KCNA2: variants seen among roughly 807,000 people sequenced by gnomAD.
The protein encoded by KCNA2 is potassium channel, voltage gated shaker related subfamily A, member 2.
Under a neutral mutation model 33.4 loss-of-function variants are expected in KCNA2, and 11 were observed. That is an observed-to-expected ratio of 0.33 (90% CI 0.21 to 0.55). KCNA2 has a LOEUF of 0.55. Among genes scored for constraint, KCNA2 ranks in the 20% least tolerant of loss-of-function variants. The pLI, the probability that KCNA2 is intolerant of heterozygous loss-of-function variation, is 0.93. For missense variants in KCNA2, 291 were observed against 621.6 expected (o/e 0.47, Z 5.66); for synonymous variants, 222 against 231.3 (o/e 0.96, Z 0.37).
rs1302149214 is a variant in KCNA2 at position 110,593,730 on chromosome 1, G to A, written c.*9553C>T. ...AGTCTATGTACACCCATGATCAGGT[G>A]GACAGGCAATGTTCATTGAGGCACA... On this transcript the variant is annotated 3_prime_UTR_variant, in exon 3 of 3. Coordinates refer to ENST00000316361, the MANE Select transcript of KCNA2 (RefSeq NM_004974.4). 7.2e-6 allele frequency: 5 copies of A among 695,838 alleles called. No homozygotes were observed. In the East Asian group the frequency reaches 1.5e-4, roughly 21 times the overall value. 43.1% of individuals were successfully genotyped at this position (695,838 alleles called of 1,614,324 possible). A position where few individuals can be genotyped will look rare whatever the true frequency, so the allele number is the denominator to read the frequency against.
chr1:110,595,787 C>A lies in KCNA2; in HGVS notation c.*7496G>T. On this transcript the variant is annotated 3_prime_UTR_variant, in exon 3 of 3. Transcript: ENST00000316361. ...TGGATTTGTTAGTTCCATTGATTGC[C>A]ACAAACCTCACCTTCTGTGTGGCAG... is the stretch of plus-strand genomic sequence containing the variant. 1.0e-6 allele frequency: 1 copy of A among 985,420 alleles called. No individual in the cohort carries two copies. Among genetic ancestry groups the A allele is most frequent in the African/African-American group, 1.7e-5 (1 of 57,356 alleles). The allele number at this position is 985,420 out of a possible 1,614,324, so 61.0% of individuals were successfully genotyped here. A position where few individuals can be genotyped will look rare whatever the true frequency, so the allele number is the denominator to read the frequency against.
chr1:110,628,433 C>T (rs1027801655), intron 1 of KCNA2, among the ~76,000 whole-genome samples: 1 of 152,136 alleles, frequency 6.6e-6, no homozygotes, highest in Non-Finnish European at 1.5e-5. Context: ...TGGGCCTGAC[C>T]ATCCTCCGTA....
chr1:110,624,694 T>A (rs1650347407), intron 1 of KCNA2, among the ~76,000 whole-genome samples: 1 of 152,236 alleles, frequency 6.6e-6, no homozygotes, highest in African/African-American at 2.4e-5. Flanking sequence ...TGTGCCAACA[T>A]ACCAAAAATG....
chr1:110,598,096 T>C lies in KCNA2; in HGVS notation c.*5187A>G, dbSNP rs1464943967. On this transcript the variant is annotated 3_prime_UTR_variant, in exon 3 of 3. Transcript: ENST00000316361. Reference sequence around the variant, plus strand: ...CGTTGGCTCAGGTGACTGATGATGTTAATGAGGTTAAGGTCATGAGTTCAA... The same window carrying C: ...CGTTGGCTCAGGTGACTGATGATGTCAATGAGGTTAAGGTCATGAGTTCAA... The C allele has an allele frequency of 2.0e-6, 2 of 982,818 alleles. No individual in the cohort carries two copies. Among genetic ancestry groups the C allele is most frequent in the African/African-American group, 1.7e-5 (1 of 57,188 alleles). 60.9% of individuals were successfully genotyped at this position (982,818 alleles called of 1,614,324 possible). A position where few individuals can be genotyped will look rare whatever the true frequency, so the allele number is the denominator to read the frequency against.
intron 1 of KCNA2, among the ~76,000 whole-genome samples, chr1:110,619,978 T>C (rs1488435326): frequency 6.6e-6 from 1 of 151,844 alleles, no homozygotes; most frequent in Non-Finnish European, 1.5e-5. Flanking sequence ...TCACGTGCCC[T>C]GTAGCAAATG....
chr1:110,613,958 C>T (rs1026486544), intron 1 of KCNA2, among the ~76,000 whole-genome samples: 2 of 152,340 alleles, frequency 1.3e-5, no homozygotes, highest in Middle Eastern at 3.4e-3. Context: ...AGCTTCTGCT[C>T]ACACGTGCTT....
intron 1 of KCNA2, among the ~76,000 whole-genome samples, chr1:110,625,268 T>C (rs1650362093): frequency 6.6e-6 from 1 of 152,166 alleles, no homozygotes; most frequent in Non-Finnish European, 1.5e-5. Flanking sequence ...CAGAAGAGTG[T>C]GGTGGTCCCA....
chr1:110,617,095 C>T (rs1650091410), intron 1 of KCNA2, among the ~76,000 whole-genome samples: 1 of 152,234 alleles, frequency 6.6e-6, no homozygotes, highest in South Asian at 2.1e-4. Flanking sequence ...TCACTGCCTG[C>T]TTCATTCATT....
Position 110,604,396 on chromosome 1 carries a change from A to T in KCNA2, c.387T>A (p.Asp129Glu). Residue 129 changes from aspartate (D) to glutamate (E), a missense_variant, in exon 3 of 3, where the codon GAT becomes GAA. By Grantham distance (45) the Asp-to-Glu change is conservative. Around this residue, in one of 5 missense-constraint regions of KCNA2, gnomAD observed 163 missense variants for 273.5 expected, o/e 0.60. Coordinates refer to ENST00000316361, the MANE Select transcript of KCNA2 (RefSeq NM_004974.4). The surrounding 1 kb of genome is among the most constrained non-coding windows in gnomAD (Gnocchi z 7.6). ...GCTCTTCCTCCTTGATGTAGCCTTCATCTTCCCGAAACATCTCCATCGCTT... is the reference window on the plus strand; with the variant it reads ...GCTCTTCCTCCTTGATGTAGCCTTCTTCTTCCCGAAACATCTCCATCGCTT... ...GEEAMEMFRE[D>E]EGYIKEEERP... 1.2e-6 allele frequency: 2 copies of T among 1,614,128 alleles called. No homozygotes were observed. Among genetic ancestry groups the T allele is most frequent in the Non-Finnish European group, 1.7e-6 (2 of 1,180,034 alleles).
chr1:110,625,593 A>G (rs1449697026), intron 1 of KCNA2, among the ~76,000 whole-genome samples: 4 of 152,230 alleles, frequency 2.6e-5, no homozygotes. Context: ...CAAAAAATTG[A>G]TAAATTCAAT....
upstream of KCNA2, among the ~76,000 whole-genome samples, chr1:110,609,845 C>T (rs931084726): frequency 3.9e-5 from 6 of 152,192 alleles, no homozygotes; most frequent in East Asian, 1.9e-4. Flanking sequence ...GCCGTATTCC[C>T]GGCACTAACA....
Position 110,604,982 on chromosome 1 carries a change from C to A in KCNA2, c.-163-37G>T. On this transcript the variant is annotated intron_variant, in intron 2 of 2. Transcript: ENST00000316361. This position sits in a 1 kb window ranked among gnomAD's most constrained non-coding sequence, Gnocchi z 7.6. ...AGGCAGTTATTGACATGAGGCTACTCAGCATTGGCAGCCTGACCTGGGTTG... is the reference window on the plus strand; with the variant it reads ...AGGCAGTTATTGACATGAGGCTACTAAGCATTGGCAGCCTGACCTGGGTTG... 1.8e-6 allele frequency: 1 copy of A among 568,796 alleles called. No individual in the cohort carries two copies. Among genetic ancestry groups the A allele is most frequent in the Non-Finnish European group, 3.1e-6 (1 of 325,338 alleles). 35.2% of individuals were successfully genotyped at this position (568,796 alleles called of 1,614,324 possible). A position where few individuals can be genotyped will look rare whatever the true frequency, so the allele number is the denominator to read the frequency against.
chr1:110,598,264 G>C lies in KCNA2; in HGVS notation c.*5019C>G. On this transcript the variant is annotated 3_prime_UTR_variant, in exon 3 of 3. Transcript: ENST00000316361. ...GACAATGGGCCCCAGGAAAGCTCTG[G>C]GGAGCAGAGCTCAGCACCATCATCC... The C allele has an allele frequency of 1.5e-6, 1 of 648,244 alleles. No individual in the cohort carries two copies. The highest frequency in any genetic ancestry group is 1.9e-6 in the Non-Finnish European group (1 of 522,102). 40.2% of individuals were successfully genotyped at this position (648,244 alleles called of 1,614,324 possible).
rs780950922 is a variant in KCNA2, at chr1:110,604,378, C to T, written c.405G>A (p.Glu135=). The change falls in exon 3 of 3, where the codon GAG becomes GAA. Residue 135 remains glutamate (E), a synonymous_variant. Coordinates refer to ENST00000316361, the MANE Select transcript of KCNA2 (RefSeq NM_004974.4). The surrounding 1 kb of genome is among the most constrained non-coding windows in gnomAD (Gnocchi z 7.6). The part of the protein sequence containing the change: ...MFREDEGYIK[E]EERPLPENEF... ...CATTTTCAGGCAGAGGACGCTCTTC[C>T]TCCTTGATGTAGCCTTCATCTTCCC... 6.2e-7 allele frequency: 1 copy of T among 1,614,160 alleles called. No homozygotes were observed.
chr1:110,597,061 A>T lies in KCNA2; in HGVS notation c.*6222T>A. ...ACCACCCAAACTTCTATCCCTGTAG[A>T]CTTCTACTGAAACCCACAAGAACCT... On this transcript the variant is annotated 3_prime_UTR_variant, in exon 3 of 3. Coordinates refer to ENST00000316361, the MANE Select transcript of KCNA2 (RefSeq NM_004974.4). 1 of 985,370 alleles carries T rather than the reference A, an allele frequency of 1.0e-6. No individual in the cohort carries two copies. The highest frequency in any genetic ancestry group is 1.2e-6 in the Non-Finnish European group (1 of 829,934). The allele number at this position is 985,370 out of a possible 1,614,324, so 61.0% of individuals were successfully genotyped here.
chr1:110,608,851 G>T (rs928295716), upstream of KCNA2, among the ~76,000 whole-genome samples: 1 of 152,122 alleles, frequency 6.6e-6, no homozygotes, highest in African/African-American at 2.4e-5. Context: ...GTGTGGTGAG[G>T]TTTTAATTGT....
chr1:110,625,653 C>T (rs969209823), intron 1 of KCNA2, among the ~76,000 whole-genome samples: 6 of 151,850 alleles, frequency 4.0e-5, no homozygotes, highest in Non-Finnish European at 7.4e-5. Context: ...TAAGACAATT[C>T]AAAGAAAAAT....
Position 110,594,630 on chromosome 1 carries a change from C to T in KCNA2, c.*8653G>A. 3.0e-6 allele frequency: 3 copies of T among 985,396 alleles called. No individual in the cohort carries two copies. Among genetic ancestry groups the T allele is most frequent in the Non-Finnish European group, 3.6e-6 (3 of 829,962 alleles). The allele number at this position is 985,396 out of a possible 1,614,324, so 61.0% of individuals were successfully genotyped here. A position where few individuals can be genotyped will look rare whatever the true frequency, so the allele number is the denominator to read the frequency against. ...GCTTGATCATGGGACTTTCCAGCTT[C>T]CTGGGGCCCTTCAAATGAAGGAACC... On this transcript the variant is annotated 3_prime_UTR_variant, in exon 3 of 3. Coordinates refer to ENST00000316361, the MANE Select transcript of KCNA2 (RefSeq NM_004974.4).
At chr1:110,609,534 T>C (rs1269029464), upstream of KCNA2, among the ~76,000 whole-genome samples, 1 of 152,196 alleles carries the variant, frequency 6.6e-6, no homozygotes, top group Non-Finnish European at 1.5e-5. Flanking sequence ...TTCTAGGACA[T>C]GTGCCCTTAG....
Sources: gnomAD v4.1 joint callset for allele counts (sites outside exome capture counted in the v4.1 genomes callset) on GRCh38, gnomAD v4.1.1 for gene constraint, gnomAD v4.1.1 regional missense constraint, Gnocchi (gnomAD v3.1) non-coding constraint, MANE v1.5 for transcripts, NCBI Gene and HGNC (gene_info 2026-07-23, HGNC 2026-07-21) for gene names.